Variants in UBE2D3 observed in about 807,000 individuals in gnomAD.
UBE2D3 encodes the protein ubiquitin conjugating enzyme E2 D3, also known as ubiquitin-conjugating enzyme E2 D3.
In UBE2D3, 2 loss-of-function variants were observed where a neutral mutation model predicts 22.8. The observed-to-expected ratio is 0.09, with a 90% CI of 0.04 to 0.28. The LOEUF is 0.28. Among genes scored for constraint, UBE2D3 ranks in the 10% least tolerant of loss-of-function variants. The pLI is 1.00. For synonymous variants in UBE2D3, 56 were observed against 60.4 expected, an observed-to-expected ratio of 0.93 and a Z score of 0.34; for missense variants, 27 against 182.5, an observed-to-expected ratio of 0.15 and a Z score of 4.91.
chr4:102,827,563 C>T, upstream of UBE2D3: 4 of 986,854 alleles, frequency 4.1e-6, no homozygotes, highest in Non-Finnish European at 4.8e-6. Context: ...CTGCCAGCTG[C>T]CACGCTCCGC....
intron 2 of UBE2D3, chr4:102,825,274 A>G (rs1730277244): frequency 1.0e-6 from 1 of 986,340 alleles, no homozygotes; most frequent in South Asian, 4.6e-5. Context: ...GGCTGAATTT[A>G]TTCCATGACA....
Position 102,826,643 on chromosome 4 carries a change from C to A in UBE2D3, c.-128-7G>T. 1 of 1,564,628 alleles carries A rather than the reference C, an allele frequency of 6.4e-7. No individual in the cohort carries two copies. Among genetic ancestry groups the A allele is most frequent in the Admixed American group, 1.9e-5 (1 of 51,686 alleles). On this transcript the variant is annotated splice_region_variant and splice_polypyrimidine_tract_variant and intron_variant, in intron 1 of 7. Coordinates refer to ENST00000453744, the MANE Select transcript of UBE2D3 (RefSeq NM_181891.3). ...CTCTGCCAGACACAGGCGCCTTTTG[C>A]AAAAACGGAGCAGATCAGCACTCGC... is the stretch of plus-strand genomic sequence containing the variant.
At chr4:102,838,516 C>T (rs1451963160) in intron 1 of UBE2D3, among the ~76,000 whole-genome samples, 1 of 152,192 alleles carries the variant, frequency 6.6e-6, no homozygotes, top group Non-Finnish European at 1.5e-5. Flanking sequence ...AGTTGACTGA[C>T]TTCTGTCAGT....
chr4:102,829,130 T>C (rs535258316), upstream of UBE2D3, among the ~76,000 whole-genome samples: 1 of 152,214 alleles, frequency 6.6e-6, no homozygotes, highest in South Asian at 2.1e-4. Context: ...CTAGTGTCCA[T>C]AGGAACCACC....
intron 2 of UBE2D3, among the ~76,000 whole-genome samples, chr4:102,816,556 T>G (rs971693962): frequency 1.1e-4 from 16 of 152,210 alleles, no homozygotes; most frequent in African/African-American, 3.9e-4. Context: ...TAATCTGGAT[T>G]ATATTAAGGA....
chr4:102,809,316 G>T, intron 4 of UBE2D3: 1 of 257,548 alleles, frequency 3.9e-6, no homozygotes, highest in Non-Finnish European at 8.0e-6. Context: ...TAAGATCTCT[G>T]AGTAACACAA....
intron 1 of UBE2D3, among the ~76,000 whole-genome samples, chr4:102,853,500 A>G (rs1384842417): frequency 1.3e-5 from 2 of 152,186 alleles, no homozygotes; most frequent in Non-Finnish European, 2.9e-5. Flanking sequence ...GCAGCCATTA[A>G]AAGATAAGGA....
intron 2 of UBE2D3, among the ~76,000 whole-genome samples, chr4:102,815,007 A>C (rs1228411893): frequency 1.3e-5 from 2 of 152,094 alleles, no homozygotes; most frequent in African/African-American, 4.8e-5. Context: ...TTTTACATTT[A>C]ATATATGTTA....
chr4:102,802,660 T>A, intron 4 of UBE2D3, 22 bp from the exon 5 acceptor site: 1 of 1,546,048 alleles, frequency 6.5e-7, no homozygotes, highest in Non-Finnish European at 8.8e-7. Flanking sequence ...AAAGTATGCT[T>A]AACTCAAATT....
chr4:102,834,507 G>A (rs1173430813), intron 1 of UBE2D3, among the ~76,000 whole-genome samples: 7 of 152,066 alleles, frequency 4.6e-5, no homozygotes, highest in Non-Finnish European at 1.0e-4. Flanking sequence ...CCAGCACTTT[G>A]GGAGGTCAAG....
chr4:102,815,384 C>G (rs923866120), intron 2 of UBE2D3, among the ~76,000 whole-genome samples: 57 of 152,110 alleles, frequency 3.7e-4, no homozygotes, highest in African/African-American at 1.3e-3. Flanking sequence ...AAATAAAAAT[C>G]AATGTAATCA....
chr4:102,800,767 C>G (rs562963745), intron 6 of UBE2D3, among the ~76,000 whole-genome samples: 1 of 152,090 alleles, frequency 6.6e-6, no homozygotes, highest in Admixed American at 6.6e-5. Context: ...TTATACAATG[C>G]CTTGCCTTTT....
chr4:102,843,773 C>T (rs1731893182), intron 1 of UBE2D3: 1 of 152,168 alleles, frequency 6.6e-6, no homozygotes, highest in Admixed American at 6.5e-5. Context: ...TCTTCAGTTT[C>T]ATTTAATATA....
chr4:102,807,936 A>G (rs1727325689), intron 4 of UBE2D3, among the ~76,000 whole-genome samples: 1 of 152,212 alleles, frequency 6.6e-6, no homozygotes, highest in Non-Finnish European at 1.5e-5. Context: ...TATTCTGCAC[A>G]CCATCCAATT....
intron 2 of UBE2D3, among the ~76,000 whole-genome samples, chr4:102,815,000 T>G (rs1353358498): frequency 6.6e-6 from 1 of 152,182 alleles, no homozygotes; most frequent in Non-Finnish European, 1.5e-5. Context: ...TACTAGATTT[T>G]ACATTTAATA....
chr4:102,827,434 C>A lies in UBE2D3; in HGVS notation c.-136G>T. 1 of 986,208 alleles carries A rather than the reference C, an allele frequency of 1.0e-6. No individual in the cohort carries two copies. Among genetic ancestry groups the A allele is most frequent in the Non-Finnish European group, 1.2e-6 (1 of 830,182 alleles). 61.1% of individuals were successfully genotyped at this position (986,208 alleles called of 1,614,324 possible). A position where few individuals can be genotyped will look rare whatever the true frequency, so the allele number is the denominator to read the frequency against. ...GTCCACACCCACGCGTACAGAGGGG[C>A]CGGGGCCTCCCTCAAGCTGCGGCCT... On this transcript the variant is annotated 5_prime_UTR_variant, in exon 1 of 8. Coordinates refer to ENST00000453744, the MANE Select transcript of UBE2D3 (RefSeq NM_181891.3).
intron 4 of UBE2D3, 37 bp from the exon 5 acceptor site, chr4:102,802,675 ATAT>A: frequency 6.7e-7 from 1 of 1,485,822 alleles, no homozygotes; most frequent in Non-Finnish European, 9.2e-7. Context: ...CAAATTTAAA[ATAT>A]TATTGCTAAA....
intron 2 of UBE2D3, chr4:102,812,423 G>C (rs747059381): frequency 9.9e-5 from 15 of 152,110 alleles, no homozygotes; most frequent in Non-Finnish European, 2.1e-4. Flanking sequence ...TCTAAATTTT[G>C]TTCATTTTGT....
At chr4:102,833,145 T>G in intron 1 of UBE2D3, among the ~76,000 whole-genome samples, 1 of 54,918 alleles carries the variant, frequency 1.8e-5, no homozygotes. Flanking sequence ...GTGCTACATG[T>G]TTTTTTTTTT....
Sources: gnomAD v4.1 joint callset for allele counts (sites outside exome capture counted in the v4.1 genomes callset) on GRCh38, gnomAD v4.1.1 for gene constraint, MANE v1.5 for transcripts, NCBI Gene and HGNC (gene_info 2026-07-23, HGNC 2026-07-21) for gene names.